The following HSF5 variants were observed in gnomAD, a reference collection of about 807,000 sequenced individuals.
The protein encoded by HSF5 is heat shock transcription factor 5.
In HSF5, 5 loss-of-function variants were observed where a neutral mutation model predicts 50.8. The observed-to-expected ratio is 0.10, with a 90% confidence interval of 0.05 to 0.21. HSF5 has a LOEUF of 0.21. Among genes scored for constraint, HSF5 ranks in the 10% least tolerant of loss-of-function variants. The pLI is 1.00. For missense variants in HSF5, 564 were observed against 762.6 expected (o/e 0.74, Z 3.07); for synonymous variants, 307 against 307.4 (o/e 1.00, Z 0.02).
intron 5 of HSF5, among the ~76,000 whole-genome samples, chr17:58,448,236 C>A (rs569044400): frequency 6.6e-6 from 1 of 150,802 alleles, no homozygotes; most frequent in East Asian, 2.0e-4. Flanking sequence ...CCTATAAGAT[C>A]TATGGGACAG....
At chr17:58,477,866 G>C (rs890351144) in intron 2 of HSF5, among the ~76,000 whole-genome samples, 2 of 151,706 alleles carry the variant, frequency 1.3e-5, no homozygotes, top group Non-Finnish European at 2.9e-5. Context: ...AGTGCCGCCT[G>C]GGAGAAATGG....
At chr17:58,448,445 T>G (rs141569647) in intron 5 of HSF5, among the ~76,000 whole-genome samples, 1 of 152,018 alleles carries the variant, frequency 6.6e-6, no homozygotes, top group Non-Finnish European at 1.5e-5. Flanking sequence ...AATCAAACTC[T>G]TAAAGATCAA....
At chr17:58,450,420 T>A (rs1160971687) in intron 5 of HSF5, among the ~76,000 whole-genome samples, 1 of 145,222 alleles carries the variant, frequency 6.9e-6, no homozygotes, top group Non-Finnish European at 1.5e-5. Flanking sequence ...TTTTCCATCA[T>A]CCAAACAAGA....
At chr17:58,485,746 C>CAA (rs35831142) in intron 1 of HSF5, among the ~76,000 whole-genome samples, 1,461 of 115,612 alleles carry the variant, frequency 0.013, 22 homozygotes, top group East Asian at 0.07. Flanking sequence ...AACCCTATCT[C>CAA]AAAAAAAAAA....
At chr17:58,477,682 G>C (rs186540722) in intron 2 of HSF5, among the ~76,000 whole-genome samples, 1 of 151,776 alleles carries the variant, frequency 6.6e-6, no homozygotes, top group East Asian at 1.9e-4. Flanking sequence ...GGATGGTCTC[G>C]ATCTCCTGAC....
intron 1 of HSF5, among the ~76,000 whole-genome samples, chr17:58,484,999 G>C (rs1975149669): frequency 7.6e-6 from 1 of 131,010 alleles, no homozygotes; most frequent in Non-Finnish European, 1.5e-5. Context: ...CTGTCGCCCA[G>C]GCTGGAGTGC....
chr17:58,470,851 G>A lies in HSF5; in HGVS notation c.926-3872C>T, dbSNP rs371118609. On this transcript the variant is annotated intron_variant, in intron 2 of 5. Transcript: ENST00000323777. ...TGAGGCAGGAGAATCACTTGAATCC[G>A]GGAGGCAGAGGTTGCAGTCAGCCAA... Among the ~76,000 whole-genome samples, 15 of 152,254 alleles carry A rather than the reference G, an allele frequency of 9.9e-5. No homozygotes were observed. In the South Asian group the frequency reaches 1.5e-3, roughly 15 times the overall value.
At chr17:58,484,433 T>C (rs762858601) in intron 1 of HSF5, among the ~76,000 whole-genome samples, 18 of 152,224 alleles carry the variant, frequency 1.2e-4, no homozygotes, top group African/African-American at 2.7e-4. Context: ...GAGTTTAAGA[T>C]AGTTGAGGGT....
chr17:58,437,927 G>C (rs186465869), intron 5 of HSF5, among the ~76,000 whole-genome samples: 53 of 152,238 alleles, frequency 3.5e-4, no homozygotes, highest in Admixed American at 2.9e-3. Context: ...AGATTCCCAG[G>C]AGTAGAGTTC....
rs770407158 is a variant in HSF5, at chr17:58,479,906, G to A, written c.912C>T (p.Ala304=). ...NYTPSAQYSQ[A]YYPTAVLQCC... ...AATTTGTCATACCTGTTGGATAGTAGGCTTGCGAGTACTGTGCTGAGGGTG... is the reference window on the plus strand; with the variant it reads ...AATTTGTCATACCTGTTGGATAGTAAGCTTGCGAGTACTGTGCTGAGGGTG... The change falls in exon 2 of 6, where the codon GCC becomes GCT. Residue 304 remains alanine, a synonymous_variant. Transcript: ENST00000323777. 3 of 1,611,892 alleles carry A rather than the reference G, an allele frequency of 1.9e-6. No individual in the cohort carries two copies. In the South Asian group the frequency reaches 3.3e-5, roughly 18 times the overall value.
intron 4 of HSF5, among the ~76,000 whole-genome samples, chr17:58,462,149 G>A (rs1205407798): frequency 2.6e-5 from 4 of 152,136 alleles, no homozygotes; most frequent in Non-Finnish European, 4.4e-5. Context: ...CTTTGTTTCT[G>A]TGGATGTACT....
chr17:58,483,928 T>C (rs184517490), intron 1 of HSF5, among the ~76,000 whole-genome samples: 110 of 152,148 alleles, frequency 7.2e-4, no homozygotes, highest in Non-Finnish European at 2.2e-4. Context: ...GCAGTAGCAG[T>C]GTAGTCAGGC....
intron 5 of HSF5, among the ~76,000 whole-genome samples, chr17:58,425,080 T>C (rs896965392): frequency 6.6e-6 from 1 of 152,108 alleles, no homozygotes; most frequent in African/African-American, 2.4e-5. Flanking sequence ...ATGTATTTCA[T>C]GCCACTGAAC....
At chr17:58,426,380 G>C (rs539547823) in intron 5 of HSF5, among the ~76,000 whole-genome samples, 3 of 152,288 alleles carry the variant, frequency 2.0e-5, no homozygotes, top group Non-Finnish European at 4.4e-5. Context: ...ACATAGACTA[G>C]CTTGGTGTTG....
chr17:58,453,722 A>G, intron 5 of HSF5, among the ~76,000 whole-genome samples: 1 of 152,222 alleles, frequency 6.6e-6, no homozygotes. Context: ...TCAATGTAAT[A>G]CATTACATTA....
chr17:58,423,169 C>T (rs571581653), intron 5 of HSF5, among the ~76,000 whole-genome samples: 9 of 152,258 alleles, frequency 5.9e-5, no homozygotes, highest in African/African-American at 1.7e-4. Context: ...AATAAGTAAT[C>T]ACCATTTTTC....
At chr17:58,476,198 T>C in intron 2 of HSF5, 2 of 928,292 alleles carry the variant, frequency 2.2e-6, no homozygotes, top group South Asian at 2.9e-5. Flanking sequence ...TTCATCTTCC[T>C]CATTTCCTTC....
chr17:58,487,620 G>A lies in HSF5; in HGVS notation c.550+105C>T, dbSNP rs1002643153. On this transcript the variant is annotated intron_variant, in intron 1 of 5. Coordinates refer to ENST00000323777, the MANE Select transcript of HSF5 (RefSeq NM_001080439.3). ...GCCAATGGGTCCCCGGCGCCTTTCC[G>A]ACGCCCATAGCGTGAGGACGTGCGA... 10 of 1,297,698 alleles carry A rather than the reference G, an allele frequency of 7.7e-6. No individual in the cohort carries two copies. The African/African-American group carries it at 9.3e-5, about 12-fold the overall frequency. 80.4% of individuals were successfully genotyped at this position (1,297,698 alleles called of 1,614,324 possible).
At chr17:58,478,475 C>CA (rs1189444544) in intron 2 of HSF5, among the ~76,000 whole-genome samples, 1,062 of 57,512 alleles carry the variant, frequency 0.018, 11 homozygotes, top group African/African-American at 0.044. Flanking sequence ...GACTCCATCT[C>CA]AAAAAAAAAA....
Sources: allele counts gnomAD v4.1 joint callset (sites outside exome capture counted in the v4.1 genomes callset), GRCh38; gene constraint gnomAD v4.1.1; transcripts MANE v1.5; gene names NCBI Gene and HGNC (gene_info 2026-07-23, HGNC 2026-07-21).